Variants in CNTNAP3B observed in about 807,000 individuals in gnomAD.
CNTNAP3B encodes contactin-associated protein-like 3B.
CNTNAP3B carries 25 observed loss-of-function variants against 108.9 expected under a neutral mutation model. That is an observed-to-expected ratio of 0.23 (90% CI 0.17 to 0.32). The LOEUF is 0.32. CNTNAP3B is among the 10% of genes least tolerant of loss of function. The pLI, the probability that CNTNAP3B is intolerant of heterozygous loss-of-function variation, is 1.00. For missense variants in CNTNAP3B, 252 were observed against 1,210.4 expected (o/e 0.21, Z 11.75); for synonymous variants, 103 against 473.4 (o/e 0.22, Z 10.16).
intron 1 of CNTNAP3B, among the ~76,000 whole-genome samples, chr9:42,125,465 C>T (rs959575214): frequency 1.9e-4 from 27 of 141,870 alleles, no homozygotes; most frequent in East Asian, 8.5e-4. Context: ...CTAAGCTGAA[C>T]TGAATGACCT....
At chr9:41,963,986 GAA>G (rs1825186425) in intron 11 of CNTNAP3B, among the ~76,000 whole-genome samples, 1 of 151,284 alleles carries the variant, frequency 6.6e-6, no homozygotes, top group Non-Finnish European at 1.5e-5. Flanking sequence ...CACCACCAAA[GAA>G]AATCACAGTC....
intron 3 of CNTNAP3B, among the ~76,000 whole-genome samples, chr9:42,053,622 C>G (rs1428878099): frequency 7.1e-6 from 1 of 140,504 alleles, no homozygotes; most frequent in Non-Finnish European, 1.5e-5. Flanking sequence ...GTCAAAGGAC[C>G]TAATTCAGAG....
chr9:41,958,222 C>T (rs1449621298), intron 12 of CNTNAP3B, among the ~76,000 whole-genome samples: 2 of 152,298 alleles, frequency 1.3e-5, no homozygotes, highest in Non-Finnish European at 2.9e-5. Flanking sequence ...ATCCTCCCAC[C>T]TCAGCCTCCC....
intron 12 of CNTNAP3B, among the ~76,000 whole-genome samples, chr9:41,954,991 T>G (rs1268466113): frequency 6.6e-6 from 1 of 151,602 alleles, no homozygotes; most frequent in South Asian, 2.1e-4. Context: ...TGGCCTCATT[T>G]TAGAATTTTT....
At chr9:42,088,801 T>A (rs1250324510) in intron 2 of CNTNAP3B, among the ~76,000 whole-genome samples, 2 of 139,454 alleles carry the variant, frequency 1.4e-5, no homozygotes, top group African/African-American at 5.6e-5. Context: ...ATTAATGTTC[T>A]ACTTTTCAGG....
intron 1 of CNTNAP3B, among the ~76,000 whole-genome samples, chr9:42,120,831 G>T (rs1828445307): frequency 1.1e-5 from 1 of 87,922 alleles, no homozygotes; most frequent in Admixed American, 1.3e-4. Context: ...GCGGGGTGGG[G>T]GGAGGGGGGA....
intron 15 of CNTNAP3B, among the ~76,000 whole-genome samples, chr9:41,925,360 A>G (rs1205396851): frequency 2.0e-5 from 3 of 152,192 alleles, no homozygotes; most frequent in African/African-American, 4.8e-5. Flanking sequence ...TTGGGAGGCC[A>G]AGGCGGACGG....
Position 42,118,116 on chromosome 9 carries a change from A to G in CNTNAP3B, c.85+10894T>C, listed in dbSNP as rs1284560124. Among the ~76,000 whole-genome samples the G allele has an allele frequency of 2.9e-5, 4 of 138,448 alleles. 1 individual carries two copies. Among genetic ancestry groups the G allele is most frequent in the Admixed American group, 2.9e-4 (4 of 13,970 alleles). 90.8% of individuals were successfully genotyped at this position (138,448 alleles called of 152,430 possible). A position where few individuals can be genotyped will look rare whatever the true frequency, so the allele number is the denominator to read the frequency against. On this transcript the variant is annotated intron_variant, in intron 1 of 23. Coordinates refer to ENST00000377561, the MANE Select transcript of CNTNAP3B (RefSeq NM_001201380.3). The stretch of plus-strand genomic sequence containing the variant: ...AGAGGTACAAGGAGGAACTGGTACC[A>G]TTCCTTCTGAAACTATTCCAATCAA...
chr9:41,927,627 T>C (rs1823857439), intron 15 of CNTNAP3B, among the ~76,000 whole-genome samples: 1 of 149,798 alleles, frequency 6.7e-6, no homozygotes, highest in Non-Finnish European at 1.5e-5. Flanking sequence ...GAAAGAAAAA[T>C]TTCATAAGAG....
intron 1 of CNTNAP3B, among the ~76,000 whole-genome samples, chr9:42,119,631 G>C (rs1284767096): frequency 7.4e-6 from 1 of 134,704 alleles, no homozygotes; most frequent in Non-Finnish European, 1.6e-5. Context: ...CCAAAACAGA[G>C]ATATAGAAAA....
rs1389843946 is a variant in CNTNAP3B, at chr9:42,107,727, A to C, written c.86-2988T>G. 2.2e-5 allele frequency among the ~76,000 whole-genome samples: 3 copies of C among 138,256 alleles called. 1 individual carries two copies. The highest frequency in any genetic ancestry group is 8.6e-5 in the African/African-American group (3 of 34,716). The allele number at this position is 138,256 out of a possible 152,430, so 90.7% of individuals were successfully genotyped here. A position where few individuals can be genotyped will look rare whatever the true frequency, so the allele number is the denominator to read the frequency against. On this transcript the variant is annotated intron_variant, in intron 1 of 23. Coordinates refer to ENST00000377561, the MANE Select transcript of CNTNAP3B (RefSeq NM_001201380.3). ...GCGGTGGCTCACACCTGTAATCCCA[A>C]CACTTTGGGAGACCAAGGCGGGTGG...
At chr9:42,096,473 T>A (rs1827902582) in intron 2 of CNTNAP3B, among the ~76,000 whole-genome samples, 1 of 138,342 alleles carries the variant, frequency 7.2e-6, no homozygotes, top group Non-Finnish European at 1.5e-5. Flanking sequence ...TCACAGTCTC[T>A]GCAATGATCC....
chr9:41,918,116 C>T (rs1823568751), intron 18 of CNTNAP3B, among the ~76,000 whole-genome samples: 1 of 151,682 alleles, frequency 6.6e-6, no homozygotes, highest in Non-Finnish European at 1.5e-5. Flanking sequence ...ATGTGGCCAG[C>T]CTGGAAATGC....
At chr9:41,948,072 A>C (rs1824576624) in intron 13 of CNTNAP3B, among the ~76,000 whole-genome samples, 1 of 151,622 alleles carries the variant, frequency 6.6e-6, no homozygotes, top group African/African-American at 2.4e-5. Flanking sequence ...TTATTGGAGA[A>C]TTCTTTTTGT....
At chr9:42,089,699 G>A (rs1448744412) in intron 2 of CNTNAP3B, among the ~76,000 whole-genome samples, 6 of 147,932 alleles carry the variant, frequency 4.1e-5, no homozygotes, top group Non-Finnish European at 6.0e-5. Flanking sequence ...TGCCAAGAAA[G>A]CATGATCACA....
At chr9:42,108,864 G>A (rs28756714) in intron 1 of CNTNAP3B, among the ~76,000 whole-genome samples, 41,544 of 130,392 alleles carry the variant, frequency 0.32, 3,069 homozygotes, top group East Asian at 0.44. Context: ...GCCTATGAAC[G>A]GTTTGGGACA....
chr9:41,942,917 T>G (rs1477576231), intron 13 of CNTNAP3B, among the ~76,000 whole-genome samples: 2 of 152,242 alleles, frequency 1.3e-5, no homozygotes, highest in African/African-American at 4.8e-5. Context: ...CTTCCTTACC[T>G]CAGTTCCTTT....
At chr9:41,954,498 T>C (rs1824796278) in intron 12 of CNTNAP3B, among the ~76,000 whole-genome samples, 1 of 152,284 alleles carries the variant, frequency 6.6e-6, no homozygotes, top group Non-Finnish European at 1.5e-5. Context: ...AAAGGTGTGA[T>C]ACCCACAAAT....
At chr9:42,077,639 T>C (rs938362650) in intron 2 of CNTNAP3B, among the ~76,000 whole-genome samples, 1 of 132,720 alleles carries the variant, frequency 7.5e-6, no homozygotes, top group Non-Finnish European at 1.6e-5. Flanking sequence ...AGATATTGGT[T>C]AAAAAATACA....
Sources: gnomAD v4.1 joint callset for allele counts (sites outside exome capture counted in the v4.1 genomes callset) on GRCh38, gnomAD v4.1.1 for gene constraint, MANE v1.5 for transcripts, NCBI Gene and HGNC (gene_info 2026-07-23, HGNC 2026-07-21) for gene names.